Variants in FIRRM observed in about 807,000 individuals in gnomAD.
FIRRM encodes FIGNL1 interacting regulator of recombination and mitosis.
At chr1:169,837,508 T>G in the FIRRM span, among the ~76,000 whole-genome samples, 2 of 152,210 alleles carry the variant, frequency 1.3e-5, no homozygotes, top group African/African-American at 4.8e-5. Flanking sequence ...GAATGTTCCC[T>G]CATAAAATAA....
chr1:169,795,101 G>C, the FIRRM span: 1 of 1,535,596 alleles, frequency 6.5e-7, no homozygotes. Flanking sequence ...TTTGACGAAA[G>C]TATGTCTCAG....
chr1:169,851,045 C>CTTTTTTTTTTTTTTTTTT, the FIRRM span: 2 of 17,312 alleles, frequency 1.2e-4, no homozygotes, highest in Non-Finnish European at 2.1e-4. Context: ...GCTCAGGGCC[C>CTTTTTTTTTTTTTTTTTT]TTTTTTTTTT....
the FIRRM span, among the ~76,000 whole-genome samples, chr1:169,791,226 A>G: frequency 1.3e-5 from 2 of 152,218 alleles, no homozygotes; most frequent in African/African-American, 4.8e-5. Context: ...TGGCTGCTGC[A>G]TGTCTTCTGT....
At chr1:169,831,646 G>T in the FIRRM span, among the ~76,000 whole-genome samples, 1 of 152,142 alleles carries the variant, frequency 6.6e-6, no homozygotes, top group African/African-American at 2.4e-5. Flanking sequence ...GCATTATGTT[G>T]TAGGAATGGA....
the FIRRM span, chr1:169,793,437 TC>T: frequency 2.1e-5 from 34 of 1,614,092 alleles, no homozygotes; most frequent in Non-Finnish European, 2.9e-5. Flanking sequence ...GGCTCCAAGT[TC>T]CTTGAACTGC....
chr1:169,807,237 C>T, the FIRRM span, among the ~76,000 whole-genome samples: 4 of 152,162 alleles, frequency 2.6e-5, no homozygotes, highest in Non-Finnish European at 5.9e-5. Context: ...ATGCTTCTCT[C>T]TCCTATTTTG....
At chr1:169,832,343 G>A in the FIRRM span, 2 of 959,132 alleles carry the variant, frequency 2.1e-6, no homozygotes, top group Non-Finnish European at 3.4e-6. Flanking sequence ...TAATATTTTG[G>A]CATATTCTCT....
At chr1:169,837,891 T>C in the FIRRM span, among the ~76,000 whole-genome samples, 1 of 152,208 alleles carries the variant, frequency 6.6e-6, no homozygotes, top group Non-Finnish European at 1.5e-5. Flanking sequence ...CCATGCTGAG[T>C]ACAAATGTTC....
chr1:169,821,451 C>G, the FIRRM span, among the ~76,000 whole-genome samples: 1,493 of 152,140 alleles, frequency 9.8e-3, 27 homozygotes, highest in African/African-American at 0.034. Context: ...GATTTCTTTT[C>G]TTTTCAGTAA....
the FIRRM span, chr1:169,827,710 G>A: frequency 1.2e-6 from 2 of 1,613,872 alleles, no homozygotes; most frequent in Non-Finnish European, 8.5e-7. Flanking sequence ...TTACATGTAA[G>A]ACCTGCCATG....
At chr1:169,851,787 A>G in the FIRRM span, 15 of 1,608,196 alleles carry the variant, frequency 9.3e-6, no homozygotes, top group African/African-American at 1.3e-5. Flanking sequence ...ACATGTTGCT[A>G]TTTGCTTGGT....
chr1:169,820,178 AAAGAT>A, the FIRRM span, among the ~76,000 whole-genome samples: 1 of 152,304 alleles, frequency 6.6e-6, no homozygotes, highest in African/African-American at 2.4e-5. Context: ...GAGTAACAGA[AAAGAT>A]AAGAAAGGGA....
the FIRRM span, among the ~76,000 whole-genome samples, chr1:169,829,617 G>T: frequency 1.3e-5 from 2 of 152,144 alleles, no homozygotes; most frequent in African/African-American, 4.8e-5. Flanking sequence ...GTATTATTTA[G>T]ATCTAATATT....
chr1:169,789,546 G>A, the FIRRM span, among the ~76,000 whole-genome samples: 3 of 152,210 alleles, frequency 2.0e-5, no homozygotes, highest in Non-Finnish European at 4.4e-5. Context: ...TGAGAAATGG[G>A]CAGTTTAAAG....
At chr1:169,841,790 G>A in the FIRRM span, among the ~76,000 whole-genome samples, 1 of 152,080 alleles carries the variant, frequency 6.6e-6, no homozygotes, top group Admixed American at 6.6e-5. Context: ...TTATAAATTA[G>A]CTTGATTATA....
chr1:169,808,406 A>G, the FIRRM span, among the ~76,000 whole-genome samples: 1 of 152,064 alleles, frequency 6.6e-6, no homozygotes, highest in African/African-American at 2.4e-5. Context: ...GAAAAGTTAG[A>G]GTGTTGAATT....
At chr1:169,793,932 G>A in the FIRRM span, 1 of 385,948 alleles carries the variant, frequency 2.6e-6, no homozygotes, top group Non-Finnish European at 4.6e-6. Context: ...GAAAGAAAAT[G>A]ATGATTAAAG....
chr1:169,797,767 C>T, the FIRRM span, among the ~76,000 whole-genome samples: 1 of 152,038 alleles, frequency 6.6e-6, no homozygotes. Context: ...TGGTCTCGAA[C>T]TCCTGACCTC....
chr1:169,833,457 A>G, the FIRRM span, among the ~76,000 whole-genome samples: 1 of 152,190 alleles, frequency 6.6e-6, no homozygotes, highest in Non-Finnish European at 1.5e-5. Flanking sequence ...GACCTTAGGC[A>G]AGTCATCCTT....
Sources: allele counts gnomAD v4.1 joint callset (sites outside exome capture counted in the v4.1 genomes callset), GRCh38; gene constraint gnomAD v4.1.1; transcripts MANE v1.5; gene names NCBI Gene and HGNC (gene_info 2026-07-23, HGNC 2026-07-21).